Variants in SPON1 observed in about 807,000 individuals in gnomAD.
The protein encoded by SPON1 is spondin-1.
A neutral mutation model predicts 111.7 loss-of-function variants in SPON1; 52 were observed. The ratio of observed to expected loss-of-function variants is 0.47; its 90% confidence interval spans 0.37 to 0.59. SPON1 has a LOEUF of 0.59. Among genes scored for constraint, SPON1 ranks in the 20% least tolerant of loss-of-function variants. SPON1 has a pLI of 0.00. For synonymous variants in SPON1, 410 were observed against 395.8 expected, an observed-to-expected ratio of 1.04 and a Z score of -0.43; for missense variants, 957 against 1,068.5, an observed-to-expected ratio of 0.90 and a Z score of 1.46.
chr11:14,253,304 A>C (rs782276422), intron 7 of SPON1, among the ~76,000 whole-genome samples: 1 of 152,230 alleles, frequency 6.6e-6, no homozygotes, highest in African/African-American at 2.4e-5. Context: ...AGTAACACTA[A>C]TGGTAATAAG....
At chr11:13,997,986 C>T (rs1848286737) in intron 2 of SPON1, among the ~76,000 whole-genome samples, 1 of 152,108 alleles carries the variant, frequency 6.6e-6, no homozygotes, top group Non-Finnish European at 1.5e-5. Flanking sequence ...TTCCTCTTGG[C>T]TGGAAGTTCC....
At chr11:14,199,153 G>A (rs1353260321) in intron 6 of SPON1, among the ~76,000 whole-genome samples, 4 of 152,084 alleles carry the variant, frequency 2.6e-5, no homozygotes, top group Non-Finnish European at 5.9e-5. Context: ...AATAAATAGT[G>A]CACAGCCTTG....
chr11:14,154,879 A>G (rs1847825585), intron 6 of SPON1, among the ~76,000 whole-genome samples: 1 of 152,156 alleles, frequency 6.6e-6, no homozygotes, highest in Non-Finnish European at 1.5e-5. Context: ...CTACTTAGAA[A>G]TTTCTAAATT....
At chr11:13,991,337 C>A (rs936682118) in intron 2 of SPON1, among the ~76,000 whole-genome samples, 3 of 152,152 alleles carry the variant, frequency 2.0e-5, no homozygotes, top group Non-Finnish European at 4.4e-5. Context: ...TCTTTAATCA[C>A]GGATATCCTT....
chr11:14,044,052 G>A lies in SPON1; in HGVS notation c.479+2398G>A, dbSNP rs75998132. Reference sequence around the variant, plus strand: ...GTCTAATTTGATCTTCACAGAAAACGACTCCCATTTTACAGAGGAGGAGAC... The same window carrying A: ...GTCTAATTTGATCTTCACAGAAAACAACTCCCATTTTACAGAGGAGGAGAC... On this transcript the variant is annotated intron_variant, in intron 3 of 15. Coordinates refer to ENST00000576479, the MANE Select transcript of SPON1 (RefSeq NM_006108.4). 1.7e-3 allele frequency among the ~76,000 whole-genome samples: 262 copies of A among 152,212 alleles called. 5 individuals carry two copies. In the East Asian group the frequency reaches 0.025, roughly 14 times the overall value.
At chr11:14,051,798 A>T (rs1419954085) in intron 3 of SPON1, among the ~76,000 whole-genome samples, 2 of 152,254 alleles carry the variant, frequency 1.3e-5, no homozygotes, top group Non-Finnish European at 2.9e-5. Context: ...GATTAATCAA[A>T]TAATAAGTAG....
At chr11:14,174,783 G>A (rs1267746008) in intron 6 of SPON1, among the ~76,000 whole-genome samples, 1 of 152,128 alleles carries the variant, frequency 6.6e-6, no homozygotes, top group Non-Finnish European at 1.5e-5. Context: ...TATATCTGTA[G>A]CTTGTTTATC....
In SPON1 at chr11:14,000,339, C is replaced by T. The variant is rs12289888; in HGVS notation, c.345+17386C>T. Among the ~76,000 whole-genome samples, 758 of 152,262 alleles carry T rather than the reference C, an allele frequency of 5.0e-3. 2 individuals are homozygous for T. The highest frequency in any genetic ancestry group is 0.017 in the African/African-American group (714 of 41,532). On this transcript the variant is annotated intron_variant, in intron 2 of 15. Transcript: ENST00000576479. ...TGACCATATTTTATAAAGCAATACC[C>T]TCATCATTCTAAACCCCATTTGCCT...
At chr11:14,084,262 G>A (rs1023648334) in intron 5 of SPON1, among the ~76,000 whole-genome samples, 3 of 151,814 alleles carry the variant, frequency 2.0e-5, no homozygotes, top group Non-Finnish European at 4.4e-5. Context: ...CGTCCCACAT[G>A]CATTAGGTTA....
At chr11:14,115,922 TG>T (rs1297492384) in intron 5 of SPON1, among the ~76,000 whole-genome samples, 1 of 152,216 alleles carries the variant, frequency 6.6e-6, no homozygotes, top group Non-Finnish European at 1.5e-5. Flanking sequence ...GATATGGTTT[TG>T]TTTTGTTTTG....
chr11:14,214,254 G>A (rs1406923961), intron 6 of SPON1, among the ~76,000 whole-genome samples: 1 of 152,180 alleles, frequency 6.6e-6, no homozygotes, highest in Non-Finnish European at 1.5e-5. Context: ...TCAAATCTTG[G>A]AATGAGGAAG....
chr11:14,081,485 T>G (rs562650397), intron 5 of SPON1, among the ~76,000 whole-genome samples: 1 of 152,244 alleles, frequency 6.6e-6, no homozygotes, highest in African/African-American at 2.4e-5. Flanking sequence ...ATGTCATGAT[T>G]TGCCCACATT....
intron 3 of SPON1, 66 bp from the exon 4 acceptor site, chr11:14,075,279 G>T: frequency 8.0e-7 from 1 of 1,251,792 alleles, no homozygotes; most frequent in South Asian, 1.3e-5. Flanking sequence ...GACTATGTCT[G>T]ACTGATCTCC....
chr11:14,103,272 C>T (rs1456886208), intron 5 of SPON1, among the ~76,000 whole-genome samples: 3 of 152,196 alleles, frequency 2.0e-5, no homozygotes, highest in Admixed American at 1.3e-4. Flanking sequence ...TAATCCCCAG[C>T]CCTGCAAGTC....
chr11:14,170,391 T>A (rs1554932314), intron 6 of SPON1, among the ~76,000 whole-genome samples: 1 of 152,214 alleles, frequency 6.6e-6, no homozygotes, highest in Non-Finnish European at 1.5e-5. Flanking sequence ...TCAGGAGATT[T>A]TGGGCTGAGA....
At chr11:14,201,109 G>T (rs1848457265) in intron 6 of SPON1, among the ~76,000 whole-genome samples, 1 of 151,998 alleles carries the variant, frequency 6.6e-6, no homozygotes, top group Non-Finnish European at 1.5e-5. Flanking sequence ...GGGAGGCCAG[G>T]GCGGGTAGAT....
chr11:14,025,865 G>C lies in SPON1; in HGVS notation c.346-15656G>C, dbSNP rs73422145. ...GGGTAACAGAGGTGGACCATAGTCC[G>C]TGGTCAGAGACAAGAACTATGCCAT... On this transcript the variant is annotated intron_variant, in intron 2 of 15. Coordinates refer to ENST00000576479, the MANE Select transcript of SPON1 (RefSeq NM_006108.4). Among the ~76,000 whole-genome samples, 648 of 152,316 alleles carry C rather than the reference G, an allele frequency of 4.3e-3. 4 individuals carry two copies. The highest frequency in any genetic ancestry group is 0.014 in the African/African-American group (593 of 41,572).
At chr11:14,175,503 C>T (rs544400751) in intron 6 of SPON1, among the ~76,000 whole-genome samples, 12 of 152,270 alleles carry the variant, frequency 7.9e-5, no homozygotes, top group Non-Finnish European at 1.8e-4. Context: ...TGTGATACCC[C>T]TGTCTCCATT....
At chr11:14,080,380 C>T (rs1479666998) in intron 5 of SPON1, among the ~76,000 whole-genome samples, 2 of 151,976 alleles carry the variant, frequency 1.3e-5, no homozygotes, top group Non-Finnish European at 2.9e-5. Context: ...AGGTATGGGC[C>T]ACCATGCCCA....
Sources: gnomAD v4.1 joint callset for allele counts (sites outside exome capture counted in the v4.1 genomes callset) on GRCh38, gnomAD v4.1.1 for gene constraint, MANE v1.5 for transcripts, NCBI Gene and HGNC (gene_info 2026-07-23, HGNC 2026-07-21) for gene names.